The following ADSS2 variants were observed in gnomAD, a reference collection of about 807,000 sequenced individuals.
The protein encoded by ADSS2 is adenylosuccinate synthetase isozyme 2.
A neutral mutation model predicts 60.0 loss-of-function variants in ADSS2; 30 were observed. That is an observed-to-expected ratio of 0.50 (90% CI 0.37 to 0.68). The LOEUF is 0.68. ADSS2 is among the 30% of genes least tolerant of loss of function. The pLI is 0.00. For synonymous variants in ADSS2, 187 were observed against 193.1 expected, an observed-to-expected ratio of 0.97 and a Z score of 0.26; for missense variants, 373 against 554.8, an observed-to-expected ratio of 0.67 and a Z score of 3.29.
intron 3 of ADSS2, 120 bp downstream of exon 3, chr1:244,436,705 T>C (rs1665110002): frequency 1.4e-6 from 1 of 715,982 alleles, no homozygotes; most frequent in Admixed American, 2.9e-5. Context: ...ACATTAAAAA[T>C]TCGTCTATAA....
Position 244,432,584 on chromosome 1 carries a change from A to G in ADSS2, c.367T>C (p.Trp123Arg). ...NVQKGKGLEG[W>R]EKRLIISDRA... The stretch of plus-strand genomic sequence containing the variant: ...TCAGATATAATAAGCCTTTTTTCCC[A>G]GCCTTCTAGTCCTAGAAAGGGGAAA... The change falls in exon 4 of 13, where the codon TGG (tryptophan) becomes CGG (arginine). Residue 123 changes from tryptophan to arginine, a missense_variant. Around this residue, in one of 5 missense-constraint regions of ADSS2, gnomAD observed 139 missense variants for 189.4 expected, o/e 0.73. Transcript: ENST00000366535. 1.3e-6 allele frequency: 2 copies of G among 1,577,006 alleles called. No individual in the cohort carries two copies. Among genetic ancestry groups the G allele is most frequent in the Non-Finnish European group, 1.7e-6 (2 of 1,157,718 alleles).
intron 3 of ADSS2, among the ~76,000 whole-genome samples, chr1:244,435,168 C>CAAAAAAAAAAAAAAAAAAAAAAA (rs60576167): frequency 1.4e-4 from 7 of 51,744 alleles, no homozygotes; most frequent in Admixed American, 6.1e-4. Context: ...ACTCCGTCTC[C>CAAAAAAAAAAAAAAAAAAAAAAA]AAAAAAAAAA....
intron 6 of ADSS2, 24 bp from the exon 7 acceptor site, chr1:244,422,940 A>G (rs909827662): frequency 1.4e-6 from 2 of 1,399,454 alleles, no homozygotes; most frequent in African/African-American, 1.4e-5. Context: ...ATAAATCAAG[A>G]CATTACCACT....
intron 1 of ADSS2, among the ~76,000 whole-genome samples, chr1:244,438,598 C>CAT (rs74162766): frequency 0.76 from 115,522 of 151,828 alleles, 44,148 homozygotes; most frequent in East Asian, 0.85. Flanking sequence ...GCTGATTACA[C>CAT]GTTTAAACTT....
chr1:244,423,766 T>C (rs541684650), intron 6 of ADSS2, among the ~76,000 whole-genome samples, 187 bp downstream of exon 6: 5 of 152,304 alleles, frequency 3.3e-5, no homozygotes, highest in African/African-American at 9.6e-5. Flanking sequence ...CATGTTATAT[T>C]TCATGAAGTT....
chr1:244,430,770 A>G (rs935045503), intron 4 of ADSS2, among the ~76,000 whole-genome samples: 7 of 152,224 alleles, frequency 4.6e-5, no homozygotes, highest in African/African-American at 1.4e-4. Context: ...AAATGCTACA[A>G]AAGTACTTCA....
At chr1:244,451,987 G>A, upstream of ADSS2, 1 of 626,334 alleles carries the variant, frequency 1.6e-6, no homozygotes, top group Non-Finnish European at 2.5e-6. The surrounding 1 kb of genome is among the most constrained non-coding windows in gnomAD (Gnocchi z 6.6). Flanking sequence ...CCCGCTCTCC[G>A]CCACAGCCCG....
intron 4 of ADSS2, among the ~76,000 whole-genome samples, chr1:244,432,056 C>T (rs1030008941): frequency 1.3e-5 from 2 of 152,280 alleles, no homozygotes; most frequent in Middle Eastern, 3.4e-3. Flanking sequence ...ATTAACAACT[C>T]CATTGGTTCT....
intron 1 of ADSS2, among the ~76,000 whole-genome samples, chr1:244,443,586 G>A (rs1202404936): frequency 1.3e-5 from 2 of 152,172 alleles, no homozygotes; most frequent in Non-Finnish European, 2.9e-5. Context: ...ATGCTTTTCT[G>A]AACGTACATT....
At chr1:244,440,005 G>A (rs1450239906) in intron 1 of ADSS2, among the ~76,000 whole-genome samples, 3 of 152,156 alleles carry the variant, frequency 2.0e-5, no homozygotes, top group South Asian at 2.1e-4. Flanking sequence ...CTCTCTCAGC[G>A]CCCCATGGCT....
chr1:244,450,638 A>C (rs1665534073), intron 1 of ADSS2, among the ~76,000 whole-genome samples: 1 of 152,230 alleles, frequency 6.6e-6, no homozygotes, highest in Non-Finnish European at 1.5e-5. Context: ...ATATTACATT[A>C]TGCTTTGTTT....
At chr1:244,415,646 C>T (rs755148303) in intron 11 of ADSS2, among the ~76,000 whole-genome samples, 3 of 152,194 alleles carry the variant, frequency 2.0e-5, no homozygotes, top group Admixed American at 6.5e-5. Context: ...TTCTTATTCA[C>T]TCTCAAGAGT....
intron 11 of ADSS2, among the ~76,000 whole-genome samples, chr1:244,414,448 T>C (rs990290445): frequency 6.6e-6 from 1 of 152,192 alleles, no homozygotes; most frequent in Non-Finnish European, 1.5e-5. Flanking sequence ...ATATTGGAGA[T>C]GCTGATCAGA....
At chr1:244,439,673 A>C (rs138462903) in intron 1 of ADSS2, among the ~76,000 whole-genome samples, 2,716 of 152,284 alleles carry the variant, frequency 0.018, 47 homozygotes, top group Middle Eastern at 0.037. Flanking sequence ...ACTAGGTCAC[A>C]TGCCCCCCAA....
In ADSS2 at chr1:244,451,769, C is replaced by T. The variant is rs200767219; in HGVS notation, c.49G>A (p.Asp17Asn). ...GGCCGCGCCCTGGGGCGGCCGCAAT[C>T]GCCGTTGGGCAGGGAGGATGCCGCC... ...YPAASSLPNGDCGRPRARPGG... is the reference protein window; with the variant it reads ...YPAASSLPNGNCGRPRARPGG... The change falls in exon 1 of 13, where the codon GAT becomes AAT. Residue 17 changes from aspartate to asparagine, a missense_variant. Physicochemically the swap from Asp to Asn is conservative, Grantham distance 23. Coordinates refer to ENST00000366535, the MANE Select transcript of ADSS2 (RefSeq NM_001126.5). This position sits in a 1 kb window ranked among gnomAD's most constrained non-coding sequence, Gnocchi z 6.6. 179 of 1,599,936 alleles carry T rather than the reference C, an allele frequency of 1.1e-4. No individual in the cohort carries two copies. Among genetic ancestry groups the T allele is most frequent in the Non-Finnish European group, 1.4e-4 (165 of 1,173,914 alleles).
intron 4 of ADSS2, among the ~76,000 whole-genome samples, chr1:244,429,171 T>C (rs576926991): frequency 6.6e-6 from 1 of 152,346 alleles, no homozygotes; most frequent in South Asian, 2.1e-4. Flanking sequence ...GTTTTACTGA[T>C]TGGGGAACTA....
At chr1:244,443,664 C>G (rs1665305049) in intron 1 of ADSS2, among the ~76,000 whole-genome samples, 1 of 152,232 alleles carries the variant, frequency 6.6e-6, no homozygotes, top group Admixed American at 6.5e-5. Context: ...GTACAGATTT[C>G]AGACATCATC....
intron 3 of ADSS2, 26 bp from the exon 4 acceptor site, chr1:244,432,621 A>C: frequency 7.2e-7 from 1 of 1,382,536 alleles, no homozygotes. Context: ...AGATATATTT[A>C]ATTGAATATT....
chr1:244,451,863 G>C lies in ADSS2; in HGVS notation c.-46C>G. The C allele has an allele frequency of 6.7e-7, 1 of 1,500,952 alleles. No individual in the cohort carries two copies. Among genetic ancestry groups the C allele is most frequent in the East Asian group, 2.5e-5 (1 of 40,618 alleles). The allele number at this position is 1,500,952 out of a possible 1,614,324, so 93.0% of individuals were successfully genotyped here. Reference sequence around the variant, plus strand: ...AGCCCGAAGGAGAGGCGGCCGGCGAGGAGTGAGCGAACTGAACTGCTCTGC... The same window carrying C: ...AGCCCGAAGGAGAGGCGGCCGGCGACGAGTGAGCGAACTGAACTGCTCTGC... On this transcript the variant is annotated 5_prime_UTR_variant, in exon 1 of 13. Transcript: ENST00000366535. The surrounding 1 kb of genome is among the most constrained non-coding windows in gnomAD (Gnocchi z 6.6).
Sources: gnomAD v4.1 joint callset for allele counts (sites outside exome capture counted in the v4.1 genomes callset) on GRCh38, gnomAD v4.1.1 for gene constraint, gnomAD v4.1.1 regional missense constraint, Gnocchi (gnomAD v3.1) non-coding constraint, MANE v1.5 for transcripts, NCBI Gene and HGNC (gene_info 2026-07-23, HGNC 2026-07-21) for gene names.